The following HUWE1 variants were observed in gnomAD, a reference collection of about 807,000 sequenced individuals.
HUWE1 encodes HECT, UBA and WWE domain containing E3 ubiquitin protein ligase 1, also known as E3 ubiquitin-protein ligase HUWE1.
Under a neutral mutation model 299.4 loss-of-function variants are expected in HUWE1, and 18 were observed. The observed-to-expected ratio is 0.06, with a 90% CI of 0.04 to 0.09. HUWE1 has a LOEUF of 0.09. HUWE1 is among the 10% of genes least tolerant of loss of function. The pLI is 1.00. For synonymous variants in HUWE1, 1,317 were observed against 1,286.1 expected (o/e 1.02, Z -0.51); for missense variants, 1,832 against 3,462.3 (o/e 0.53, Z 11.82).
rs782429349 is a variant in HUWE1, at chrX:53,663,381, C to T, written c.-24-9250G>A. Among the ~76,000 whole-genome samples, 6 of 111,410 alleles carry T rather than the reference C, an allele frequency of 5.4e-5. No individual in the cohort carries two copies. The South Asian group carries it at 2.3e-3, about 42-fold the overall frequency. On this transcript the variant is annotated intron_variant, in intron 3 of 83. Transcript: ENST00000262854. ...CAAAAAAATTAGCCGGGTGTGGTGG[C>T]GCATGTCTGTAATCCCAGCTACTTC...
chrX:53,589,469 T>C (rs1281144249), intron 36 of HUWE1, 78 bp downstream of exon 36: 1 of 987,886 alleles, frequency 1.0e-6, no homozygotes, highest in Non-Finnish European at 1.4e-6. Flanking sequence ...AATATGCTGA[T>C]TTTTCAGAAA....
Position 53,626,216 on chromosome X carries a change from C to CGTGTGT in HUWE1, c.1490-964_1490-959dup, listed in dbSNP as rs58080331. Among the ~76,000 whole-genome samples, 461 of 94,920 alleles carry CGTGTGT rather than the reference C, an allele frequency of 4.9e-3. 5 individuals carry two copies. Among genetic ancestry groups the CGTGTGT allele is most frequent in the African/African-American group, 0.018 (450 of 25,508 alleles). The allele number at this position is 94,920 out of a possible 115,157, so 82.4% of individuals were successfully genotyped here. A position where few individuals can be genotyped will look rare whatever the true frequency, so the allele number is the denominator to read the frequency against. On this transcript the variant is annotated intron_variant, in intron 17 of 83. Coordinates refer to ENST00000262854, the MANE Select transcript of HUWE1 (RefSeq NM_031407.7). ...ATGTATTAATACGTACATACATACA[C>CGTGTGT]GTGTGTGTGTGTGTGTGTGTGTGTG...
In HUWE1 at chrX:53,563,029, T is replaced by C; in HGVS notation, c.7106-100A>G. On this transcript the variant is annotated intron_variant, in intron 52 of 83. Transcript: ENST00000262854. ...CTATGTACACCTAGCAGATATCCACTTTTTTTTGGATGAGGGAGAAGACCT... is the reference window on the plus strand; with the variant it reads ...CTATGTACACCTAGCAGATATCCACCTTTTTTTGGATGAGGGAGAAGACCT... The C allele has an allele frequency of 1.2e-5, 8 of 648,353 alleles. No individual in the cohort carries two copies. In the Middle Eastern group the frequency reaches 2.2e-3, roughly 181 times the overall value. 53.4% of individuals were successfully genotyped at this position (648,353 alleles called of 1,213,427 possible). A position where few individuals can be genotyped will look rare whatever the true frequency, so the allele number is the denominator to read the frequency against.
At position 53,611,965 on chromosome X, in the gene HUWE1, G is replaced by A. The variant is rs1005258278; in HGVS notation, c.2261+2569C>T. Among the ~76,000 whole-genome samples the A allele has an allele frequency of 2.7e-5, 3 of 111,740 alleles. No homozygotes were observed. The South Asian group carries it at 1.1e-3, about 41-fold the overall frequency. ...TGAGAGCATGGGAAACAGAAATTCG[G>A]AAGAACTATGGATATGGAGGAAGGG... is the stretch of plus-strand genomic sequence containing the variant. On this transcript the variant is annotated intron_variant, in intron 23 of 83. Coordinates refer to ENST00000262854, the MANE Select transcript of HUWE1 (RefSeq NM_031407.7).
At chrX:53,577,375 T>C (rs903104659) in intron 43 of HUWE1, among the ~76,000 whole-genome samples, 2 of 105,848 alleles carry the variant, frequency 1.9e-5, no homozygotes, top group Non-Finnish European at 3.9e-5. Flanking sequence ...TAAATGAGGA[T>C]ATAACTGAGA....
intron 78 of HUWE1, 45 bp from the exon 79 acceptor site, chrX:53,536,712 A>G (rs782543385): frequency 9.2e-7 from 1 of 1,091,762 alleles, no homozygotes; most frequent in South Asian, 1.9e-5. Flanking sequence ...CAGAAAACCC[A>G]GGATACATCC....
At chrX:53,611,205 A>G (rs782659762) in intron 23 of HUWE1, among the ~76,000 whole-genome samples, 16 of 109,410 alleles carry the variant, frequency 1.5e-4, no homozygotes, top group South Asian at 3.9e-4. Context: ...AAAAAAAAAA[A>G]AAAAGAAAGG....
intron 29 of HUWE1, among the ~76,000 whole-genome samples, chrX:53,597,993 A>G (rs192926026): frequency 3.6e-5 from 4 of 111,957 alleles, no homozygotes; most frequent in Non-Finnish European, 1.9e-5. Flanking sequence ...AGCGCCAATC[A>G]AGGAAATCAC....
chrX:53,594,491 A>G lies in HUWE1; in HGVS notation c.3503+8T>C. ...AAATGCTCCTCTGTGAAGCAACTTG[A>G]TCCTTACTCAAAAAGAGCATTGTGG... On this transcript the variant is annotated splice_region_variant and intron_variant, in intron 31 of 83. Coordinates refer to ENST00000262854, the MANE Select transcript of HUWE1 (RefSeq NM_031407.7). The G allele has an allele frequency of 8.3e-7, 1 of 1,209,954 alleles. No homozygotes were observed. Among genetic ancestry groups the G allele is most frequent in the Non-Finnish European group, 1.1e-6 (1 of 894,411 alleles).
rs782535308 is a variant in HUWE1 at position 53,535,458 on chromosome X, T to C, written c.12575A>G (p.Asn4192Ser). 1.5e-5 allele frequency: 18 copies of C among 1,209,577 alleles called. No homozygotes were observed. The highest frequency in any genetic ancestry group is 6.5e-5 in the Admixed American group (3 of 45,978). ...CTCTGTTACCAAGATGTTGGCCCCA[T>C]TGGGTTTGAGGTCACGAACTTCACA... ...GVCEVRDLKPNGANILVTEEN... is the reference protein window; with the variant it reads ...GVCEVRDLKPSGANILVTEEN... Residue 4192 changes from asparagine to serine, a missense_variant, in exon 81 of 84, where the codon AAT becomes AGT. Asn to Ser is a conservative substitution (Grantham distance 46). Transcript: ENST00000262854.
chrX:53,533,190 T>A lies in HUWE1; in HGVS notation c.*119A>T, dbSNP rs1431505715. On this transcript the variant is annotated 3_prime_UTR_variant, in exon 84 of 84. Coordinates refer to ENST00000262854, the MANE Select transcript of HUWE1 (RefSeq NM_031407.7). ...GATGGGGCAGCTGGGACACACACGG[T>A]GAGTTGGTGGATTTCATTTATTGGT... 1 of 512,022 alleles carries A rather than the reference T, an allele frequency of 2.0e-6. No individual in the cohort carries two copies. The highest frequency in any genetic ancestry group is 3.5e-6 in the Non-Finnish European group (1 of 284,990). 42.2% of individuals were successfully genotyped at this position (512,022 alleles called of 1,213,427 possible).
chrX:53,632,594 C>T, intron 8 of HUWE1, 30 bp from the exon 9 acceptor site: 1 of 1,025,992 alleles, frequency 9.7e-7, no homozygotes, highest in Non-Finnish European at 1.4e-6. Context: ...AAGAATCAGA[C>T]ATTGAGTTTC....
chrX:53,658,525 A>G (rs1257022427), intron 3 of HUWE1, among the ~76,000 whole-genome samples: 1 of 111,868 alleles, frequency 8.9e-6, no homozygotes, highest in African/African-American at 3.3e-5. Context: ...AAATCAATGG[A>G]ACAGAATTAG....
At chrX:53,557,085 G>C (rs782658867) in intron 60 of HUWE1, 11 of 401,116 alleles carry the variant, frequency 2.7e-5, no homozygotes, top group Admixed American at 6.6e-5. Flanking sequence ...CAGAGTTGCA[G>C]TCAGGAAATG....
At chrX:53,597,576 T>C (rs1556986312) in intron 29 of HUWE1, among the ~76,000 whole-genome samples, 2 of 84,912 alleles carry the variant, frequency 2.4e-5, no homozygotes, top group Admixed American at 1.4e-4. Context: ...CTTTTCTGGA[T>C]TGGTTCCATT....
chrX:53,666,527 T>C (rs1392131813), intron 3 of HUWE1, among the ~76,000 whole-genome samples: 1 of 111,671 alleles, frequency 9.0e-6, no homozygotes, highest in African/African-American at 3.3e-5. Flanking sequence ...ATCCATCCAT[T>C]CTATCCTCCA....
rs782115855 is a variant in HUWE1, at chrX:53,667,254, CAGTT to C, written c.-25+12791_-25+12794del. On this transcript the variant is annotated intron_variant, in intron 3 of 83. Transcript: ENST00000262854. ...AGTATATCTTTAAGCAAAAGTGACA[CAGTT>C]AGCCAAGCTTACCCTTGACCACTGT... 2.6e-4 allele frequency among the ~76,000 whole-genome samples: 29 copies of C among 112,310 alleles called. No individual in the cohort carries two copies. In the East Asian group the frequency reaches 2.8e-3, roughly 11 times the overall value.
chrX:53,542,844 GTTGTGT>G (rs1425821515), intron 73 of HUWE1: 3 of 227,685 alleles, frequency 1.3e-5, no homozygotes, highest in East Asian at 9.5e-5. Flanking sequence ...GTCTTCTTCT[GTTGTGT>G]GTGTGTGTGT....
chrX:53,571,329 T>C (rs1556951075), intron 47 of HUWE1, among the ~76,000 whole-genome samples: 1 of 112,757 alleles, frequency 8.9e-6, no homozygotes, highest in East Asian at 2.8e-4. Context: ...GAATAAAGCC[T>C]GGCTAGGTGT....
Sources: gnomAD v4.1 joint callset for allele counts (sites outside exome capture counted in the v4.1 genomes callset) on GRCh38, gnomAD v4.1.1 for gene constraint, MANE v1.5 for transcripts, NCBI Gene and HGNC (gene_info 2026-07-23, HGNC 2026-07-21) for gene names.